Variants in KCMF1 observed in about 807,000 individuals in gnomAD.
The protein encoded by KCMF1 is potassium channel modulatory factor 1, also known as E3 ubiquitin-protein ligase KCMF1.
A neutral mutation model predicts 41.1 loss-of-function variants in KCMF1; 3 were observed. That is an observed-to-expected ratio of 0.07 (90% CI 0.03 to 0.19). The LOEUF (loss-of-function observed/expected upper bound fraction) is 0.19. Ranked by LOEUF, KCMF1 falls within the 10% of genes least tolerant of loss-of-function variation. KCMF1 has a pLI of 1.00. For missense variants in KCMF1, 286 were observed against 488.9 expected (o/e 0.58, Z 3.91); for synonymous variants, 142 against 164.5 (o/e 0.86, Z 1.04).
Position 85,043,577 on chromosome 2 carries a change from G to C in KCMF1, c.338G>C (p.Cys113Ser). 1 of 1,608,348 alleles carries C rather than the reference G, an allele frequency of 6.2e-7. No individual in the cohort carries two copies. The highest frequency in any genetic ancestry group is 8.5e-7 in the Non-Finnish European group (1 of 1,175,690). Residue 113 changes from cysteine to serine, a missense_variant, in exon 4 of 7, where the codon TGT (cysteine) becomes TCT (serine). Around this residue, in one of 2 missense-constraint regions of KCMF1, gnomAD observed 95 missense variants for 209.6 expected, o/e 0.45. Transcript: ENST00000409785. The part of the protein sequence containing the change: ...ETSTEVICPI[C>S]AALPGGDPNH... ...CTTCCATTTCAGATTTGTCCAATAT[G>C]TGCAGCGTTACCTGGAGGCGATCCT...
chr2:85,001,571 GT>G (rs1389937017), intron 1 of KCMF1, among the ~76,000 whole-genome samples: 5 of 152,126 alleles, frequency 3.3e-5, no homozygotes, highest in African/African-American at 4.8e-5. Flanking sequence ...TGCATTTTCT[GT>G]GCATTGCAAA....
intron 1 of KCMF1, among the ~76,000 whole-genome samples, chr2:85,008,416 TTA>T (rs1277072429): frequency 8.0e-6 from 1 of 125,584 alleles, no homozygotes; most frequent in Admixed American, 8.8e-5. Context: ...ATATTATATA[TTA>T]TGTGATATAT....
intron 1 of KCMF1, among the ~76,000 whole-genome samples, chr2:84,971,806 C>T (rs1221618419): frequency 2.0e-5 from 3 of 151,358 alleles, no homozygotes; most frequent in Non-Finnish European, 4.4e-5. Flanking sequence ...AAGGCCCGCC[C>T]GGCCGGTTCA....
At chr2:84,991,072 T>G (rs946295476) in intron 1 of KCMF1, among the ~76,000 whole-genome samples, 1 of 152,154 alleles carries the variant, frequency 6.6e-6, no homozygotes, top group African/African-American at 2.4e-5. Flanking sequence ...TGAAGGTGCC[T>G]TGAGCTAGGA....
At chr2:85,033,030 A>G (rs1317125290) in intron 2 of KCMF1, among the ~76,000 whole-genome samples, 1 of 152,176 alleles carries the variant, frequency 6.6e-6, no homozygotes, top group African/African-American at 2.4e-5. Context: ...CCAGTAAATG[A>G]TGTTTGCTCA....
chr2:84,986,600 G>A (rs565600627), intron 1 of KCMF1, among the ~76,000 whole-genome samples: 266 of 152,168 alleles, frequency 1.7e-3, no homozygotes, highest in African/African-American at 6.2e-3. Context: ...AGGCTGGGCC[G>A]GGTGCGGTGG....
chr2:85,053,306 G>A lies in KCMF1; in HGVS notation c.1043G>A (p.Gly348Asp), dbSNP rs1304287077. 2 of 1,613,912 alleles carry A rather than the reference G, an allele frequency of 1.2e-6. No homozygotes were observed. The highest frequency in any genetic ancestry group is 2.2e-5 in the East Asian group (1 of 44,876). Reference sequence around the variant, plus strand: ...GATCGGGGGGAGATGGCAGATTTTGGTGCTATGGGCTGTGTAGATATTATG... The same window carrying A: ...GATCGGGGGGAGATGGCAGATTTTGATGCTATGGGCTGTGTAGATATTATG... ...EDDRGEMADFGAMGCVDIMPL... is the reference protein window; with the variant it reads ...EDDRGEMADFDAMGCVDIMPL... Residue 348 changes from glycine to aspartate, a missense_variant, in exon 7 of 7, where the codon GGT becomes GAT. Around this residue, in one of 2 missense-constraint regions of KCMF1, gnomAD observed 191 missense variants for 279.3 expected, o/e 0.68. Transcript: ENST00000409785.
At position 85,046,247 on chromosome 2, in the gene KCMF1, A is replaced by G; in HGVS notation, c.570A>G (p.Pro190=). The part of the protein sequence containing the change: ...GLSSSQSSYS[P]SNREAMDPIA... ...CTTCTTCTCAGAGTTCATATTCTCC[A>G]AGCAATAGGGAAGCCATGGATCCTA... Residue 190 remains proline, a synonymous_variant, in exon 5 of 7, where the codon CCA becomes CCG. Coordinates refer to ENST00000409785, the MANE Select transcript of KCMF1 (RefSeq NM_020122.5). 1 of 1,613,216 alleles carries G rather than the reference A, an allele frequency of 6.2e-7. No individual in the cohort carries two copies. The highest frequency in any genetic ancestry group is 8.5e-7 in the Non-Finnish European group (1 of 1,179,490).
In KCMF1 at chr2:85,008,267, T is replaced by G. The variant is rs1558573280; in HGVS notation, c.17-19622T>G. The stretch of plus-strand genomic sequence containing the variant: ...TATATGATATATATTATATATCATA[T>G]ATAATATATAATATGATATATAATA... On this transcript the variant is annotated intron_variant, in intron 1 of 6. Transcript: ENST00000409785. Among the ~76,000 whole-genome samples the G allele has an allele frequency of 5.8e-3, 631 of 107,878 alleles. 14 individuals are homozygous for G. The highest frequency in any genetic ancestry group is 0.021 in the African/African-American group (597 of 28,474). 70.8% of individuals were successfully genotyped at this position (107,878 alleles called of 152,430 possible). A position where few individuals can be genotyped will look rare whatever the true frequency, so the allele number is the denominator to read the frequency against.
At chr2:85,022,571 TTC>T (rs1283121864) in intron 1 of KCMF1, among the ~76,000 whole-genome samples, 1 of 152,168 alleles carries the variant, frequency 6.6e-6, no homozygotes, top group African/African-American at 2.4e-5. Context: ...CAGCTTTGCT[TTC>T]TGTTTTTTTG....
chr2:85,038,845 A>C (rs778800138), intron 3 of KCMF1, among the ~76,000 whole-genome samples: 1 of 152,178 alleles, frequency 6.6e-6, no homozygotes, highest in African/African-American at 2.4e-5. Context: ...AGAGACGTGA[A>C]TTGTACCCCA....
intron 1 of KCMF1, among the ~76,000 whole-genome samples, chr2:85,023,037 G>A (rs1329580975): frequency 6.6e-6 from 1 of 151,802 alleles, no homozygotes; most frequent in Non-Finnish European, 1.5e-5. Context: ...ACAGGCGGCC[G>A]CCATCACGCC....
At chr2:85,018,522 G>A (rs1326546997) in intron 1 of KCMF1, among the ~76,000 whole-genome samples, 5 of 151,896 alleles carry the variant, frequency 3.3e-5, no homozygotes, top group South Asian at 2.1e-4. Context: ...TGCCCGCTTC[G>A]GCCTCCCAAA....
chr2:85,016,882 G>A (rs1225291704), intron 1 of KCMF1, among the ~76,000 whole-genome samples: 1 of 151,796 alleles, frequency 6.6e-6, no homozygotes, highest in Non-Finnish European at 1.5e-5. Flanking sequence ...TAGAGACGAG[G>A]TTTCACAATG....
rs1558573636 is a variant in KCMF1 at position 85,008,375 on chromosome 2, G to GAT, written c.17-19509_17-19508dup. On this transcript the variant is annotated intron_variant, in intron 1 of 6. Coordinates refer to ENST00000409785, the MANE Select transcript of KCMF1 (RefSeq NM_020122.5). ...ATATAATATATATTATATATCATAT[G>GAT]ATATATTATATATGATATATATTAT... Among the ~76,000 whole-genome samples the GAT allele has an allele frequency of 3.6e-3, 100 of 27,840 alleles. 3 individuals are homozygous for GAT. The highest frequency in any genetic ancestry group is 6.3e-3 in the African/African-American group (65 of 10,348). The allele number at this position is 27,840 out of a possible 152,430, so 18.3% of individuals were successfully genotyped here.
intron 1 of KCMF1, among the ~76,000 whole-genome samples, chr2:85,023,127 G>A (rs1420925614): frequency 6.7e-6 from 1 of 150,332 alleles, no homozygotes; most frequent in Non-Finnish European, 1.5e-5. Context: ...GACCTCATGA[G>A]CCGCCCGCCT....
chr2:85,024,688 A>G (rs769950943), intron 1 of KCMF1, among the ~76,000 whole-genome samples: 1 of 152,052 alleles, frequency 6.6e-6, no homozygotes, highest in African/African-American at 2.4e-5. Context: ...ATTGTCTTCT[A>G]GAGATATTTT....
intron 1 of KCMF1, among the ~76,000 whole-genome samples, chr2:84,996,545 C>G (rs754526677): frequency 6.6e-6 from 1 of 150,388 alleles, no homozygotes; most frequent in Non-Finnish European, 1.5e-5. Context: ...AAGCGATTCT[C>G]CTGCCTCAGC....
At chr2:84,996,214 C>A (rs1042898328) in intron 1 of KCMF1, among the ~76,000 whole-genome samples, 27 of 152,228 alleles carry the variant, frequency 1.8e-4, no homozygotes, top group African/African-American at 6.5e-4. Context: ...AAAGGTGAGT[C>A]TTCGTTGTGT....
Sources: gnomAD v4.1 joint callset for allele counts (sites outside exome capture counted in the v4.1 genomes callset) on GRCh38, gnomAD v4.1.1 for gene constraint, gnomAD v4.1.1 regional missense constraint, MANE v1.5 for transcripts, NCBI Gene and HGNC (gene_info 2026-07-23, HGNC 2026-07-21) for gene names.